Variants in CACNA1C observed in about 807,000 individuals in gnomAD.
The protein encoded by CACNA1C is calcium voltage-gated channel subunit alpha1 C, also known as voltage-dependent L-type calcium channel subunit alpha-1C.
CACNA1C carries 30 observed loss-of-function variants against 229.0 expected under a neutral mutation model. That is an observed-to-expected ratio of 0.13 (90% CI 0.10 to 0.18). The LOEUF is 0.18. Among genes scored for constraint, CACNA1C ranks in the 10% least tolerant of loss-of-function variants. The pLI, the probability that CACNA1C is intolerant of heterozygous loss-of-function variation, is 1.00. For synonymous variants in CACNA1C, 1,114 were observed against 1,132.5 expected, an observed-to-expected ratio of 0.98 and a Z score of 0.33; for missense variants, 1,658 against 2,845.0, an observed-to-expected ratio of 0.58 and a Z score of 9.49.
intron 8 of CACNA1C, among the ~76,000 whole-genome samples, chr12:2,511,024 G>C (rs945835320): frequency 6.6e-6 from 1 of 152,148 alleles, no homozygotes; most frequent in African/African-American, 2.4e-5. Context: ...CTGTCAATCT[G>C]TCCCTTTTCC....
chr12:2,581,668 C>T lies in CACNA1C; in HGVS notation c.1974C>T (p.Leu658=). ...CCATCGCCTCCCTGCTCCTTCTCCT[C>T]TTCCTCTTCATCATCATCTTCTCCC... The part of the protein sequence containing the change: ...VRSIASLLLL[L]FLFIIIFSLL... Residue 658 remains leucine (L), a synonymous_variant, in exon 14 of 47, where the codon CTC becomes CTT. Coordinates refer to ENST00000399655, the MANE Select transcript of CACNA1C (RefSeq NM_000719.7). 1 of 1,610,060 alleles carries T rather than the reference C, an allele frequency of 6.2e-7. No homozygotes were observed. The highest frequency in any genetic ancestry group is 8.5e-7 in the Non-Finnish European group (1 of 1,178,046).
At chr12:2,307,728 G>C (rs1194947628) in intron 3 of CACNA1C, among the ~76,000 whole-genome samples, 1 of 152,174 alleles carries the variant, frequency 6.6e-6, no homozygotes, top group East Asian at 1.9e-4. Flanking sequence ...AGGTGCATTT[G>C]AATTTGCATG....
At chr12:2,241,573 A>C (rs747135155) in intron 3 of CACNA1C, among the ~76,000 whole-genome samples, 1 of 152,160 alleles carries the variant, frequency 6.6e-6, no homozygotes, top group African/African-American at 2.4e-5. Context: ...TTCCGAAGAC[A>C]GATGGGGCAG....
chr12:2,052,325 C>T (rs1193717449), upstream of CACNA1C, among the ~76,000 whole-genome samples: 1 of 152,152 alleles, frequency 6.6e-6, no homozygotes, highest in African/African-American at 2.4e-5. Context: ...CCCCTCCCCT[C>T]CTCTATCTGT....
chr12:2,119,245 C>T (rs781640475), intron 2 of CACNA1C, among the ~76,000 whole-genome samples: 19 of 152,188 alleles, frequency 1.2e-4, no homozygotes, highest in Non-Finnish European at 2.5e-4. Context: ...GTATGGATTT[C>T]CCTGAGAGAA....
At chr12:2,189,671 A>G (rs995259379) in intron 3 of CACNA1C, among the ~76,000 whole-genome samples, 1 of 152,222 alleles carries the variant, frequency 6.6e-6, no homozygotes, top group East Asian at 1.9e-4. Flanking sequence ...AAACCAAGGA[A>G]CATTTGGCCA....
chr12:2,229,615 T>A (rs2064114123), intron 3 of CACNA1C, among the ~76,000 whole-genome samples: 1 of 152,052 alleles, frequency 6.6e-6, no homozygotes, highest in African/African-American at 2.4e-5. Flanking sequence ...AGGTTTACTT[T>A]TAAATAAGAC....
At chr12:2,549,618 G>A (rs769043996) in intron 9 of CACNA1C, among the ~76,000 whole-genome samples, 2 of 152,182 alleles carry the variant, frequency 1.3e-5, no homozygotes, top group Non-Finnish European at 2.9e-5. Context: ...AGCCTCTACA[G>A]CTTCTTCCAG....
At chr12:2,402,758 T>TG (rs1342294130) in intron 3 of CACNA1C, among the ~76,000 whole-genome samples, 1 of 152,200 alleles carries the variant, frequency 6.6e-6, no homozygotes. Context: ...CCAGTGCCAG[T>TG]GGGAGCCCTG....
At chr12:2,565,566 G>A (rs2050387898) in intron 11 of CACNA1C, among the ~76,000 whole-genome samples, 1 of 152,182 alleles carries the variant, frequency 6.6e-6, no homozygotes, top group Non-Finnish European at 1.5e-5. Flanking sequence ...GGGTTTTGGG[G>A]AGGGTTCCCT....
rs776242172 is a variant in CACNA1C, at chr12:2,512,975, C to G, written c.1381C>G (p.Pro461Ala). 6.2e-7 allele frequency: 1 copy of G among 1,602,278 alleles called. No individual in the cohort carries two copies. Among genetic ancestry groups the G allele is most frequent in the South Asian group, 1.1e-5 (1 of 88,584 alleles). Reference protein sequence around the residue: ...NEDEGMDEEKPRNMSMPTSET... With the variant: ...NEDEGMDEEKARNMSMPTSET... ...GGACGAAGGCATGGATGAGGAGAAG[C>G]CCCGAAACAGTGAGCAGCCGTCTTC... Residue 461 changes from proline to alanine, a missense_variant, in exon 9 of 47, where the codon CCC becomes GCC. Around this residue, in one of 20 missense-constraint regions of CACNA1C, gnomAD observed 149 missense variants for 194.2 expected, o/e 0.77. Coordinates refer to ENST00000399655, the MANE Select transcript of CACNA1C (RefSeq NM_000719.7). The surrounding 1 kb of genome is among the most constrained non-coding windows in gnomAD (Gnocchi z 4.3).
Position 2,599,632 on chromosome 12 carries a change from TTCC to T in CACNA1C, c.2854-2219_2854-2217del, listed in dbSNP as rs575150189. 4.1e-4 allele frequency among the ~76,000 whole-genome samples: 62 copies of T among 152,256 alleles called. 1 individual carries two copies. Among genetic ancestry groups the T allele is most frequent in the African/African-American group, 1.4e-3 (60 of 41,542 alleles). ...AGCGAGCCACGTCCCATTCCTTTCC[TTCC>T]TCAGGATGGAAACACCCCAGCAAGG... On this transcript the variant is annotated intron_variant, in intron 21 of 46. Transcript: ENST00000399655.
rs577074400 is a variant in CACNA1C, at chr12:2,601,656, C to T, written c.2854-198C>T. Among the ~76,000 whole-genome samples the T allele has an allele frequency of 4.5e-4, 68 of 152,278 alleles. 1 individual carries two copies. The highest frequency in any genetic ancestry group is 1.4e-3 in the African/African-American group (59 of 41,570). ...GGAGCCACCCAGCAGTCCTGGGCTG[C>T]GAGAGTCTTGGGTGGTTGTGTGCAT... On this transcript the variant is annotated intron_variant, in intron 21 of 46. Transcript: ENST00000399655. The surrounding 1 kb of genome is among the most constrained non-coding windows in gnomAD (Gnocchi z 5.9).
At position 1,971,100 on chromosome 12, in the gene CACNA1C, A is replaced by G; in HGVS notation, c.38A>G (p.Tyr13Cys). 1 of 1,289,606 alleles carries G rather than the reference A, an allele frequency of 7.8e-7. No homozygotes were observed. The highest frequency in any genetic ancestry group is 1.2e-5 in the South Asian group (1 of 81,024). The allele number at this position is 1,289,606 out of a possible 1,614,324, so 79.9% of individuals were successfully genotyped here. Reference sequence around the variant, plus strand: ...TTTGTTCAGCCTGGTACGCCTGCATACCAGCCGCTTCCCAGCCACCTGTCT... The same window carrying G: ...TTTGTTCAGCCTGGTACGCCTGCATGCCAGCCGCTTCCCAGCCACCTGTCT... The change falls in exon 1 of 47, where the codon TAC (tyrosine) becomes TGC (cysteine). Residue 13 changes from tyrosine to cysteine, a missense_variant. Tyr to Cys is a radical substitution (Grantham distance 194). Transcript: ENST00000682462. The surrounding 1 kb of genome is among the most constrained non-coding windows in gnomAD (Gnocchi z 4.2).
chr12:2,295,501 A>G (rs1466975204), intron 3 of CACNA1C, among the ~76,000 whole-genome samples: 1 of 152,136 alleles, frequency 6.6e-6, no homozygotes, highest in Admixed American at 6.5e-5. Context: ...ATTTTCTTGT[A>G]CTTCCTTTAG....
In CACNA1C at chr12:2,333,023, G is replaced by A. The variant is rs1025854475; in HGVS notation, c.478-115953G>A. ...ACAGTGTCTGAACAGTTATCCCTCC[G>A]GCAGTGACGAGCAGCCCCTTGGACA... On this transcript the variant is annotated intron_variant, in intron 3 of 46. Transcript: ENST00000399655. Among the ~76,000 whole-genome samples, 8 of 152,184 alleles carry A rather than the reference G, an allele frequency of 5.3e-5. No homozygotes were observed. In the South Asian group the frequency reaches 6.2e-4, roughly 12 times the overall value.
At chr12:2,334,881 T>C (rs548957283) in intron 3 of CACNA1C, among the ~76,000 whole-genome samples, 7 of 152,164 alleles carry the variant, frequency 4.6e-5, no homozygotes, top group Non-Finnish European at 8.8e-5. Flanking sequence ...GGGTTTCCAT[T>C]GTGTGTTCAA....
intron 33 of CACNA1C, 42 bp from the exon 34 acceptor site, chr12:2,655,105 C>A (rs749530097): frequency 1.2e-5 from 15 of 1,210,356 alleles, no homozygotes; most frequent in Non-Finnish European, 1.3e-5. Context: ...AGGACCCTAT[C>A]TGTCCACAAA....
At chr12:1,972,854 A>C (rs1378704301) in intron 1 of CACNA1C, among the ~76,000 whole-genome samples, 1 of 152,064 alleles carries the variant, frequency 6.6e-6, no homozygotes, top group East Asian at 1.9e-4. Context: ...GAGGGAGAAA[A>C]AGAGAGAAAA....
Sources: gnomAD v4.1 joint callset for allele counts (sites outside exome capture counted in the v4.1 genomes callset) on GRCh38, gnomAD v4.1.1 for gene constraint, gnomAD v4.1.1 regional missense constraint, Gnocchi (gnomAD v3.1) non-coding constraint, MANE v1.5 for transcripts, NCBI Gene and HGNC (gene_info 2026-07-23, HGNC 2026-07-21) for gene names.